CADM2: variants seen among roughly 807,000 people sequenced by gnomAD.
The protein encoded by CADM2 is cell adhesion molecule 2, also known as immunoglobulin superfamily member 4D.
A neutral mutation model predicts 49.8 loss-of-function variants in CADM2; 12 were observed. The ratio of observed to expected loss-of-function variants is 0.24; its 90% CI spans 0.15 to 0.39. The LOEUF is 0.39. Ranked by LOEUF, CADM2 falls within the 10% of genes least tolerant of loss-of-function variation. The probability of loss-of-function intolerance (pLI) is 1.00; values close to 1 mark genes in which losing one functional copy is unlikely to be tolerated. For synonymous variants in CADM2, 214 were observed against 175.4 expected (o/e 1.22, Z -1.74); for missense variants, 378 against 492.3 (o/e 0.77, Z 2.20).
At chr3:85,791,151 A>G (rs1424114913) in intron 2 of CADM2, among the ~76,000 whole-genome samples, 2 of 152,186 alleles carry the variant, frequency 1.3e-5, no homozygotes, top group Non-Finnish European at 2.9e-5. Context: ...AACATTTTGC[A>G]CTTAGTTATC....
chr3:86,042,558 A>G (rs895108974), intron 8 of CADM2, among the ~76,000 whole-genome samples: 1 of 152,142 alleles, frequency 6.6e-6, no homozygotes, highest in South Asian at 2.1e-4. Context: ...ATAGACCAAT[A>G]ACAGGCTCTG....
chr3:85,659,053 A>AAATAATAATGATAAT, intron 1 of CADM2, among the ~76,000 whole-genome samples: 1 of 140,060 alleles, frequency 7.1e-6, no homozygotes, highest in Non-Finnish European at 1.5e-5. Context: ...CTCTGTCTCT[A>AAATAATAATGATAAT]AATAATAATA....
At chr3:85,193,686 T>G (rs2041267829) in intron 1 of CADM2, among the ~76,000 whole-genome samples, 1 of 152,072 alleles carries the variant, frequency 6.6e-6, no homozygotes, top group Non-Finnish European at 1.5e-5. Context: ...TCCAATGTGA[T>G]CTCTAATTGC....
chr3:85,497,466 C>T (rs977647205), intron 1 of CADM2, among the ~76,000 whole-genome samples: 5 of 151,780 alleles, frequency 3.3e-5, no homozygotes, highest in Admixed American at 6.6e-5. Context: ...ATTGAAAGAA[C>T]GAACTTTTAT....
At chr3:85,114,037 G>C (rs188140111) in intron 1 of CADM2, among the ~76,000 whole-genome samples, 8 of 151,866 alleles carry the variant, frequency 5.3e-5, no homozygotes, top group African/African-American at 1.9e-4. Context: ...GTGTGACCTT[G>C]TTATTTTTAA....
chr3:85,543,264 T>C (rs867603027), intron 1 of CADM2, among the ~76,000 whole-genome samples: 1 of 45,388 alleles, frequency 2.2e-5, no homozygotes. Context: ...TTTATTTTTA[T>C]TTTTTTTGGA....
intron 1 of CADM2, among the ~76,000 whole-genome samples, chr3:85,309,139 G>T (rs1005355523): frequency 1.3e-5 from 2 of 151,996 alleles, no homozygotes; most frequent in African/African-American, 4.8e-5. Flanking sequence ...GGCTCTAAGG[G>T]TTCATTTAGT....
At chr3:85,445,634 C>T (rs1019393094) in intron 1 of CADM2, among the ~76,000 whole-genome samples, 2 of 151,930 alleles carry the variant, frequency 1.3e-5, no homozygotes, top group African/African-American at 4.8e-5. Flanking sequence ...GCCTAAAATA[C>T]ATTAACATTT....
At chr3:85,070,071 A>G (rs1227781408) in intron 1 of CADM2, among the ~76,000 whole-genome samples, 1 of 151,994 alleles carries the variant, frequency 6.6e-6, no homozygotes, top group Non-Finnish European at 1.5e-5. Context: ...CAATAAGCAA[A>G]ATTTTTTTTC....
intron 1 of CADM2, among the ~76,000 whole-genome samples, chr3:85,369,905 A>G (rs550668591): frequency 1.3e-5 from 2 of 152,282 alleles, no homozygotes; most frequent in South Asian, 4.1e-4. Flanking sequence ...GAAAAATTTG[A>G]TTTTAAATGA....
At chr3:85,251,791 T>A (rs1191738149) in intron 1 of CADM2, among the ~76,000 whole-genome samples, 1 of 152,004 alleles carries the variant, frequency 6.6e-6, no homozygotes, top group Admixed American at 6.6e-5. Context: ...ACTCACTTTG[T>A]GTTTTCAAAT....
intron 1 of CADM2, among the ~76,000 whole-genome samples, chr3:85,415,392 G>A (rs1401597043): frequency 2.8e-5 from 4 of 140,612 alleles, no homozygotes; most frequent in African/African-American, 1.1e-4. Context: ...TGATTCTGAT[G>A]AAAGTACGAA....
chr3:85,446,991 CATATATATATATATAT>C (rs141177883), intron 1 of CADM2, among the ~76,000 whole-genome samples: 126 of 54,564 alleles, frequency 2.3e-3, no homozygotes, highest in African/African-American at 3.9e-3. Context: ...ATATGTATTG[CATATATATATATATAT>C]ATATATATAT....
chr3:85,169,448 A>G (rs2040561503), intron 1 of CADM2, among the ~76,000 whole-genome samples: 1 of 152,182 alleles, frequency 6.6e-6, no homozygotes, highest in Non-Finnish European at 1.5e-5. Flanking sequence ...AATAATTTTT[A>G]TGCAGCCAAT....
intron 1 of CADM2, among the ~76,000 whole-genome samples, chr3:85,548,817 G>A (rs2061731097): frequency 6.6e-6 from 1 of 152,120 alleles, no homozygotes; most frequent in Admixed American, 6.6e-5. Flanking sequence ...TATAATTAGA[G>A]TCCAAATGTG....
intron 3 of CADM2, among the ~76,000 whole-genome samples, chr3:85,809,747 TCTCC>T (rs1333530301): frequency 3.1e-5 from 3 of 97,914 alleles, no homozygotes; most frequent in African/African-American, 4.8e-5. Flanking sequence ...CTCCCTCCTC[TCTCC>T]CTCCCTCCCT....
chr3:85,621,821 A>G (rs918844971), intron 1 of CADM2, among the ~76,000 whole-genome samples: 1 of 152,164 alleles, frequency 6.6e-6, no homozygotes, highest in Admixed American at 6.6e-5. Context: ...GCATGATGAC[A>G]AGTTGTCAGA....
At chr3:85,304,957 T>C (rs2044180188) in intron 1 of CADM2, among the ~76,000 whole-genome samples, 1 of 151,732 alleles carries the variant, frequency 6.6e-6, no homozygotes, top group Admixed American at 6.6e-5. Flanking sequence ...AAGATATTAA[T>C]GGTTTTGAAG....
intron 2 of CADM2, among the ~76,000 whole-genome samples, chr3:85,763,222 A>G (rs1199817997): frequency 2.6e-5 from 4 of 152,214 alleles, no homozygotes; most frequent in Non-Finnish European, 5.9e-5. Flanking sequence ...TGTTCTATAT[A>G]TAAAAAGAAA....
Sources: gnomAD v4.1 joint callset for allele counts (sites outside exome capture counted in the v4.1 genomes callset) on GRCh38, gnomAD v4.1.1 for gene constraint, MANE v1.5 for transcripts, NCBI Gene and HGNC (gene_info 2026-07-23, HGNC 2026-07-21) for gene names.